MSH6: variants seen among roughly 807,000 people sequenced by gnomAD.
The protein encoded by MSH6 is mutS homolog 6.
A neutral mutation model predicts 119.1 loss-of-function variants in MSH6; 85 were observed. That is an observed-to-expected ratio of 0.71 (90% CI 0.60 to 0.85). The LOEUF is 0.85. Among genes scored for constraint, MSH6 ranks in the 40% least tolerant of loss-of-function variants. The pLI is 0.00. For synonymous variants in MSH6, 830 were observed against 586.9 expected (o/e 1.41, Z -5.99); for missense variants, 2,163 against 1,655.3 (o/e 1.31, Z -5.32).
chr2:47,805,494 C>CATTA (rs1179851188), intron 6 of MSH6, 124 bp from the exon 7 acceptor site: 23 of 773,002 alleles, frequency 3.0e-5, no homozygotes, highest in Admixed American at 8.4e-5. Flanking sequence ...TGCATAGTCT[C>CATTA]TTAATGAGAT....
chr2:47,808,528 C>A, downstream of MSH6: 1 of 1,024,818 alleles, frequency 9.8e-7, no homozygotes, highest in Non-Finnish European at 1.4e-6. Flanking sequence ...TTAAGAGGAC[C>A]AAAACAAAAT....
chr2:47,789,381 A>T (rs1238086053), intron 1 of MSH6: 1 of 432,046 alleles, frequency 2.3e-6, no homozygotes, highest in Non-Finnish European at 4.7e-6. Flanking sequence ...CAAAACTGAT[A>T]ATGGTTGGAT....
In MSH6 at chr2:47,806,851, G is replaced by T. The variant is rs759392159; in HGVS notation, c.4074G>T (p.Lys1358Asn). 1 of 1,610,228 alleles carries T rather than the reference G, an allele frequency of 6.2e-7. No individual in the cohort carries two copies. Among genetic ancestry groups the T allele is most frequent in the Non-Finnish European group, 8.5e-7 (1 of 1,177,720 alleles). Residue 1358 changes from lysine to asparagine, a missense_variant, in exon 10 of 10, where the codon AAG becomes AAT. Coordinates refer to ENST00000234420, the MANE Select transcript of MSH6 (RefSeq NM_000179.3). ...EAVHKLLTLI[K>N]EL ...TCCATAAATTGCTGACTTTGATTAA[G>T]GAATTATAGACTGACTACATTGGAA...
chr2:47,801,050 G>A lies in MSH6; in HGVS notation c.3067G>A (p.Glu1023Lys). 1.2e-6 allele frequency: 2 copies of A among 1,600,452 alleles called. No homozygotes were observed. The highest frequency in any genetic ancestry group is 1.7e-6 in the Non-Finnish European group (2 of 1,173,322). ...GTTGGCTAATCTCATAAATGCTGAA[G>A]AACGGAGGGATGTATCATTGAAGGA... is the stretch of plus-strand genomic sequence containing the variant. ...KKLANLINAEERRDVSLKDCM... is the reference protein window; with the variant it reads ...KKLANLINAEKRRDVSLKDCM... Residue 1023 changes from glutamate (E) to lysine (K), a missense_variant, in exon 4 of 10, where the codon GAA becomes AAA. Transcript: ENST00000234420.
intron 1 of MSH6, among the ~76,000 whole-genome samples, chr2:47,788,934 T>TTTTTTTTTTTTTTTTTTG (rs1668554089): frequency 2.0e-5 from 2 of 99,648 alleles, no homozygotes; most frequent in African/African-American, 4.5e-5. Flanking sequence ...TTTTTTTTTT[T>TTTTTTTTTTTTTTTTTTG]TTTTTTTTTT....
At chr2:47,787,793 A>AT (rs1668436929) in intron 1 of MSH6, among the ~76,000 whole-genome samples, 1 of 151,948 alleles carries the variant, frequency 6.6e-6, no homozygotes, top group Non-Finnish European at 1.5e-5. Context: ...TAATTTTTAA[A>AT]TTTTTTTGTA....
At chr2:47,794,470 C>T (rs1668948001) in intron 2 of MSH6, among the ~76,000 whole-genome samples, 1 of 151,880 alleles carries the variant, frequency 6.6e-6, no homozygotes, top group Admixed American at 6.6e-5. Flanking sequence ...TGGATGTCAC[C>T]ATGTTGGCCA....
chr2:47,787,711 G>A (rs927308973), intron 1 of MSH6, among the ~76,000 whole-genome samples: 1 of 152,052 alleles, frequency 6.6e-6, no homozygotes. Flanking sequence ...CGACCTATTC[G>A]GCTCAAGTGA....
At chr2:47,788,907 C>CTT (rs1558650117) in intron 1 of MSH6, among the ~76,000 whole-genome samples, 2 of 17,278 alleles carry the variant, frequency 1.2e-4, no homozygotes, top group African/African-American at 5.3e-4. Context: ...TTTCTTCTTC[C>CTT]TTTTTTTTTT....
At position 47,799,569 on chromosome 2, in the gene MSH6, G is replaced by A. The variant is rs786201964; in HGVS notation, c.1586G>A (p.Gly529Asp). 1 of 1,614,190 alleles carries A rather than the reference G, an allele frequency of 6.2e-7. No individual in the cohort carries two copies. Among genetic ancestry groups the A allele is most frequent in the Non-Finnish European group, 8.5e-7 (1 of 1,180,036 alleles). Residue 529 changes from glycine (G) to aspartate (D), a missense_variant, in exon 4 of 10, where the codon GGT becomes GAT. Physicochemically the swap from Gly to Asp is moderately conservative, Grantham distance 94. Transcript: ENST00000234420. ...ACACAGACTTACAGTGTGCTGGAAG[G>A]TGATCCCTCTGAGAACTACAGTAAG... ...KGTQTYSVLEGDPSENYSKYL... is the reference protein window; with the variant it reads ...KGTQTYSVLEDDPSENYSKYL...
In MSH6 at chr2:47,783,394, G is replaced by A; in HGVS notation, c.161G>A (p.Gly54Glu). The A allele has an allele frequency of 6.4e-7, 1 of 1,574,636 alleles. No homozygotes were observed. Among genetic ancestry groups the A allele is most frequent in the African/African-American group, 1.4e-5 (1 of 73,340 alleles). The change falls in exon 1 of 10, where the codon GGG (glycine) becomes GAG (glutamate). Residue 54 changes from glycine to glutamate, a missense_variant. By Grantham distance (98) the Gly-to-Glu change is moderately conservative. Transcript: ENST00000234420. ...PGGDAAWSEA[G>E]PGPRPLARSA... ...GGGGATGCGGCCTGGAGCGAGGCTG[G>A]GCCTGGGCCCAGGCCCTTGGCGCGC...
rs991563019 is a variant in MSH6, at chr2:47,799,138, G to A, written c.1155G>A (p.Arg385=). 6.2e-7 allele frequency: 1 copy of A among 1,613,342 alleles called. No homozygotes were observed. The highest frequency in any genetic ancestry group is 8.5e-7 in the Non-Finnish European group (1 of 1,179,798). Residue 385 remains arginine (R), a synonymous_variant, in exon 4 of 10, where the codon AGG becomes AGA. Transcript: ENST00000234420. ...AGAGAAGAGATGAGCACAGGAGGAG[G>A]CCTGATCACCCCGATTTTGATGCAT... ...EEKRRDEHRR[R]PDHPDFDAST... is the part of the protein sequence containing the mutation.
chr2:47,786,266 C>T (rs1301898587), intron 1 of MSH6, among the ~76,000 whole-genome samples: 2 of 151,956 alleles, frequency 1.3e-5, no homozygotes, highest in Admixed American at 6.6e-5. Context: ...CAATCATGAA[C>T]AGTCTGATGA....
intron 3 of MSH6, among the ~76,000 whole-genome samples, chr2:47,796,614 C>A (rs570198958): frequency 2.0e-5 from 3 of 152,218 alleles, no homozygotes; most frequent in East Asian, 3.9e-4. Context: ...GTTAAATAAA[C>A]CTTGAAATAC....
At chr2:47,788,906 CCTTTTTTTTTTTTTTGTTTTTTTTTT>C (rs1668532661) in intron 1 of MSH6, among the ~76,000 whole-genome samples, 4 of 15,826 alleles carry the variant, frequency 2.5e-4, no homozygotes, top group Admixed American at 2.6e-3. Context: ...CTTTCTTCTT[CCTTTTTTTTTTTTTTGTTTTTTTTTT>C]TTTTTTTTTT....
chr2:47,804,541 A>G (rs995468065), intron 5 of MSH6, among the ~76,000 whole-genome samples: 36 of 87,190 alleles, frequency 4.1e-4, no homozygotes, highest in African/African-American at 2.1e-3. Flanking sequence ...CGTGTAAAAA[A>G]AAAAAAAAAG....
At chr2:47,807,203 T>C (rs917000953), downstream of MSH6, 2 of 260,414 alleles carry the variant, frequency 7.7e-6, no homozygotes, top group Non-Finnish European at 1.5e-5. Flanking sequence ...TCCAGCAGTT[T>C]TGTCTAAACT....
chr2:47,799,640 A>C lies in MSH6; in HGVS notation c.1657A>C (p.Thr553Pro), dbSNP rs1294509946. The change falls in exon 4 of 10, where the codon ACT (threonine) becomes CCT (proline). Residue 553 changes from threonine (T) to proline (P), a missense_variant. Coordinates refer to ENST00000234420, the MANE Select transcript of MSH6 (RefSeq NM_000179.3). ...KEKEEDSSGH[T>P]RAYGVCFVDT... ...AAAAGAGGAAGATTCTTCTGGCCAT[A>C]CTCGTGCATATGGTGTGTGCTTTGT... 6.2e-7 allele frequency: 1 copy of C among 1,613,972 alleles called. No individual in the cohort carries two copies. The highest frequency in any genetic ancestry group is 1.7e-5 in the Admixed American group (1 of 59,992).
At chr2:47,805,053 T>C (rs371393411) in intron 6 of MSH6, 26 bp downstream of exon 6, 7 of 1,446,160 alleles carry the variant, frequency 4.8e-6, no homozygotes, top group South Asian at 1.1e-5. Context: ...CCCACTTAAG[T>C]TCTCATTCAG....
Sources: allele counts gnomAD v4.1 joint callset (sites outside exome capture counted in the v4.1 genomes callset), GRCh38; gene constraint gnomAD v4.1.1; transcripts MANE v1.5; gene names NCBI Gene and HGNC (gene_info 2026-07-23, HGNC 2026-07-21).